ARHGAP31: variants seen among roughly 807,000 people sequenced by gnomAD.
The protein encoded by ARHGAP31 is Rho GTPase activating protein 31, also known as rho GTPase-activating protein 31.
A neutral mutation model predicts 113.9 loss-of-function variants in ARHGAP31; 34 were observed. The observed-to-expected ratio is 0.30, with a 90% CI of 0.23 to 0.40. The LOEUF (loss-of-function observed/expected upper bound fraction) is 0.40, where lower values mean the gene tolerates loss of function less well. Among genes scored for constraint, ARHGAP31 ranks in the 10% least tolerant of loss-of-function variants. The pLI is 1.00. For missense variants in ARHGAP31, 1,548 were observed against 1,767.1 expected, an observed-to-expected ratio of 0.88 and a Z score of 2.22; for synonymous variants, 650 against 684.8, an observed-to-expected ratio of 0.95 and a Z score of 0.79.
chr3:119,338,043 T>G (rs1389171827), intron 1 of ARHGAP31, among the ~76,000 whole-genome samples: 1 of 152,228 alleles, frequency 6.6e-6, no homozygotes, highest in Admixed American at 6.5e-5. Context: ...GACACTGTAT[T>G]GACATTTTGA....
intron 6 of ARHGAP31, among the ~76,000 whole-genome samples, chr3:119,389,968 A>G (rs777985521): frequency 7.9e-5 from 12 of 152,232 alleles, no homozygotes. Flanking sequence ...GCCTTTGCCT[A>G]CTAGACACCA....
At chr3:119,369,642 T>C (rs2107624929) in intron 3 of ARHGAP31, among the ~76,000 whole-genome samples, 1 of 152,310 alleles carries the variant, frequency 6.6e-6, no homozygotes, top group East Asian at 1.9e-4. Flanking sequence ...AAAATATGTT[T>C]AGGAGTTTTC....
In ARHGAP31 at chr3:119,419,307, T is replaced by C. The variant is rs537225671; in HGVS notation, c.*3043T>C. The C allele has an allele frequency of 6.6e-6, 1 of 152,236 alleles. No individual in the cohort carries two copies. Among genetic ancestry groups the C allele is most frequent in the Non-Finnish European group, 1.5e-5 (1 of 68,034 alleles). 9.4% of individuals were successfully genotyped at this position (152,236 alleles called of 1,614,324 possible). ...CATGTACTGACGTTTTCTTTCAGCATTAGTGGTTGCTTAAGAAAATAGTAA... is the reference window on the plus strand; with the variant it reads ...CATGTACTGACGTTTTCTTTCAGCACTAGTGGTTGCTTAAGAAAATAGTAA... On this transcript the variant is annotated 3_prime_UTR_variant, in exon 12 of 12. Transcript: ENST00000264245.
chr3:119,393,351 T>G, intron 7 of ARHGAP31, 116 bp from the exon 8 acceptor site: 8 of 1,364,112 alleles, frequency 5.9e-6, no homozygotes, highest in Non-Finnish European at 8.3e-6. Context: ...GGGAATTTCT[T>G]GAAATATCAG....
chr3:119,304,852 G>T (rs1240053025), intron 1 of ARHGAP31, among the ~76,000 whole-genome samples: 1 of 151,560 alleles, frequency 6.6e-6, no homozygotes, highest in Non-Finnish European at 1.5e-5. Flanking sequence ...CCAAGATGGC[G>T]CTACTGCAAT....
intron 1 of ARHGAP31, among the ~76,000 whole-genome samples, chr3:119,346,947 C>T (rs1056134561): frequency 6.6e-6 from 1 of 152,176 alleles, no homozygotes; most frequent in African/African-American, 2.4e-5. Context: ...CCAACTCTGA[C>T]ATTCCAGAAT....
At chr3:119,336,617 C>T (rs1362413313) in intron 1 of ARHGAP31, among the ~76,000 whole-genome samples, 1 of 152,182 alleles carries the variant, frequency 6.6e-6, no homozygotes, top group East Asian at 1.9e-4. Flanking sequence ...TAAACAATTG[C>T]TGCATTTACT....
chr3:119,357,256 C>T (rs550241947), intron 1 of ARHGAP31, among the ~76,000 whole-genome samples: 1 of 152,274 alleles, frequency 6.6e-6, no homozygotes, highest in South Asian at 2.1e-4. Context: ...GAGGCTTGAG[C>T]TGAATCCCAA....
Position 119,414,830 on chromosome 3 carries a change from C to T in ARHGAP31, c.2901C>T (p.Leu967=), listed in dbSNP as rs750711798. The change falls in exon 12 of 12, where the codon CTC becomes CTT. Residue 967 remains leucine, a synonymous_variant. Coordinates refer to ENST00000264245, the MANE Select transcript of ARHGAP31 (RefSeq NM_020754.4). ...CCACGGTTAAAAGCCAGTGGACTCT[C>T]GAGGTTCCCTCCTCCAGCAGCTGTG... ...SKPTVKSQWT[L]EVPSSSSCAN... is the part of the protein sequence containing the mutation. The T allele has an allele frequency of 5.6e-6, 9 of 1,614,106 alleles. No homozygotes were observed. Among genetic ancestry groups the T allele is most frequent in the South Asian group, 2.2e-5 (2 of 91,090 alleles).
chr3:119,392,669 C>T (rs550510192), intron 7 of ARHGAP31, among the ~76,000 whole-genome samples: 6 of 152,306 alleles, frequency 3.9e-5, no homozygotes, highest in South Asian at 4.1e-4. Flanking sequence ...CCTCTTTCCC[C>T]ATCTCACCAA....
chr3:119,386,560 G>C (rs1027275540), intron 6 of ARHGAP31, among the ~76,000 whole-genome samples: 1 of 152,196 alleles, frequency 6.6e-6, no homozygotes. Context: ...AGCCCTACAG[G>C]GTCAGTGGGT....
intron 1 of ARHGAP31, among the ~76,000 whole-genome samples, chr3:119,336,472 G>A (rs1373631518): frequency 6.6e-6 from 1 of 151,982 alleles, no homozygotes; most frequent in Non-Finnish European, 1.5e-5. Flanking sequence ...CCAAAATAAG[G>A]GGATGTGTCG....
At chr3:119,365,292 GT>G (rs529770262) in intron 1 of ARHGAP31, 23 bp from the exon 2 acceptor site, 3 of 1,593,574 alleles carry the variant, frequency 1.9e-6, no homozygotes, top group Non-Finnish European at 2.6e-6. Context: ...ATACTTAATT[GT>G]TTTTTTCTTT....
intron 3 of ARHGAP31, among the ~76,000 whole-genome samples, chr3:119,377,948 G>A (rs868091370): frequency 6.6e-6 from 1 of 152,100 alleles, no homozygotes; most frequent in African/African-American, 2.4e-5. Context: ...GGGCTGCCCG[G>A]GCAGCAGGAC....
intron 8 of ARHGAP31, 148 bp downstream of exon 8, chr3:119,393,739 A>AT (rs1156498046): frequency 1.7e-6 from 2 of 1,190,788 alleles, no homozygotes; most frequent in Non-Finnish European, 2.3e-6. Context: ...TTTTCAAAAC[A>AT]TTTTAGACTT....
intron 10 of ARHGAP31, 144 bp from the exon 11 acceptor site, chr3:119,409,352 A>G: frequency 2.1e-6 from 2 of 954,454 alleles, no homozygotes; most frequent in Non-Finnish European, 3.3e-6. Context: ...CTAGGATAAA[A>G]GAGTAAATGC....
intron 1 of ARHGAP31, among the ~76,000 whole-genome samples, chr3:119,323,198 C>T (rs2079808788): frequency 1.3e-5 from 2 of 152,200 alleles, no homozygotes; most frequent in South Asian, 4.1e-4. Context: ...CGGCCGCTTC[C>T]CGGAACGCCC....
chr3:119,314,577 T>C (rs909171810), intron 1 of ARHGAP31: 3 of 152,038 alleles, frequency 2.0e-5, no homozygotes, highest in Non-Finnish European at 4.4e-5. Flanking sequence ...GAGGTGGAGG[T>C]GGAGGAGTGT....
chr3:119,381,037 C>A (rs769861846), intron 4 of ARHGAP31, 51 bp downstream of exon 4: 20 of 1,512,112 alleles, frequency 1.3e-5, no homozygotes, highest in Non-Finnish European at 1.7e-5. Context: ...CAGTGTAATA[C>A]CAAAGAGACA....
Sources: gnomAD v4.1 joint callset for allele counts (sites outside exome capture counted in the v4.1 genomes callset) on GRCh38, gnomAD v4.1.1 for gene constraint, MANE v1.5 for transcripts, NCBI Gene and HGNC (gene_info 2026-07-23, HGNC 2026-07-21) for gene names.